The following GRM8 variants were observed in gnomAD, a reference collection of about 807,000 sequenced individuals.
GRM8 encodes metabotropic glutamate receptor 8.
In GRM8, 47 loss-of-function variants were observed where a neutral mutation model predicts 87.2. That is an observed-to-expected ratio of 0.54 (90% CI 0.43 to 0.69). GRM8 has a LOEUF of 0.69. Ranked by LOEUF, GRM8 falls within the 30% of genes least tolerant of loss-of-function variation. GRM8 has a pLI of 0.00. For missense variants in GRM8, 1,019 were observed against 1,139.2 expected, an observed-to-expected ratio of 0.89 and a Z score of 1.52; for synonymous variants, 396 against 404.5, an observed-to-expected ratio of 0.98 and a Z score of 0.25.
intron 7 of GRM8, among the ~76,000 whole-genome samples, chr7:126,640,497 A>G (rs1293767026): frequency 6.6e-6 from 1 of 152,208 alleles, no homozygotes; most frequent in Non-Finnish European, 1.5e-5. Context: ...TATGTATAAA[A>G]CTATGCATTT....
chr7:126,664,104 G>A (rs1376210137), intron 7 of GRM8, among the ~76,000 whole-genome samples: 2 of 151,816 alleles, frequency 1.3e-5, no homozygotes, highest in African/African-American at 4.8e-5. Context: ...TATCTCTAAA[G>A]GGACTACAAG....
intron 2 of GRM8, among the ~76,000 whole-genome samples, chr7:127,130,385 C>A (rs555140333): frequency 1.9e-4 from 29 of 152,216 alleles, no homozygotes; most frequent in Non-Finnish European, 2.8e-4. Flanking sequence ...ATGTTTAGAA[C>A]TTCCTATAGA....
chr7:127,099,751 C>A (rs924832167), intron 3 of GRM8, among the ~76,000 whole-genome samples: 8 of 152,158 alleles, frequency 5.3e-5, no homozygotes, highest in Non-Finnish European at 8.8e-5. Flanking sequence ...TGGAAGCTAA[C>A]CTTCTGAGTA....
intron 8 of GRM8, among the ~76,000 whole-genome samples, chr7:126,554,431 A>G (rs1792916722): frequency 6.6e-6 from 1 of 151,364 alleles, no homozygotes; most frequent in South Asian, 2.1e-4. Context: ...AATAATAATA[A>G]TAATAATAAT....
chr7:127,068,358 T>A (rs1413266216), intron 3 of GRM8, among the ~76,000 whole-genome samples: 1 of 152,164 alleles, frequency 6.6e-6, no homozygotes, highest in Non-Finnish European at 1.5e-5. Context: ...AAGAATGCCG[T>A]GCCTAGTGCT....
intron 3 of GRM8, among the ~76,000 whole-genome samples, chr7:127,037,853 G>A (rs561041669): frequency 6.6e-6 from 1 of 151,450 alleles, no homozygotes; most frequent in South Asian, 2.1e-4. Flanking sequence ...GTGTGTGTGT[G>A]TGTGTGTGTG....
chr7:126,602,488 A>T (rs1319788726), intron 8 of GRM8, among the ~76,000 whole-genome samples: 2 of 137,076 alleles, frequency 1.5e-5, no homozygotes, highest in Admixed American at 1.5e-4. Context: ...TGGTAGCTTG[A>T]TGGGGATGGC....
chr7:126,794,388 C>T (rs1017323703), intron 6 of GRM8, among the ~76,000 whole-genome samples: 8 of 152,058 alleles, frequency 5.3e-5, no homozygotes, highest in African/African-American at 1.9e-4. Context: ...TTAGAGTCCT[C>T]AGAAAAATGG....
At chr7:126,982,072 C>A (rs1422902937) in intron 3 of GRM8, among the ~76,000 whole-genome samples, 1 of 152,104 alleles carries the variant, frequency 6.6e-6, no homozygotes, top group Non-Finnish European at 1.5e-5. Flanking sequence ...AGGCTGTCTG[C>A]AAGCTGAGGA....
chr7:126,639,501 T>G (rs1487979282), intron 7 of GRM8, among the ~76,000 whole-genome samples: 1 of 152,146 alleles, frequency 6.6e-6, no homozygotes. Context: ...ATAGTTTTCT[T>G]AATTTTCAGT....
intron 3 of GRM8, among the ~76,000 whole-genome samples, chr7:127,054,605 G>A (rs1205310110): frequency 5.9e-5 from 9 of 152,144 alleles, no homozygotes; most frequent in African/African-American, 1.2e-4. Flanking sequence ...CTAGTAACTC[G>A]TTGAACATTT....
intron 9 of GRM8, among the ~76,000 whole-genome samples, chr7:126,473,035 G>A (rs1391937588): frequency 6.6e-6 from 1 of 152,178 alleles, no homozygotes; most frequent in East Asian, 1.9e-4. Context: ...CAGGGATGGA[G>A]CCCTCCTAGA....
At chr7:126,441,210 T>C (rs1801433921) in intron 10 of GRM8, among the ~76,000 whole-genome samples, 2 of 152,036 alleles carry the variant, frequency 1.3e-5, no homozygotes, top group African/African-American at 2.4e-5. Flanking sequence ...ATCAAATATA[T>C]AGAAAACATG....
At chr7:127,119,550 AAAAAG>A (rs1328889417) in intron 2 of GRM8, among the ~76,000 whole-genome samples, 7 of 152,082 alleles carry the variant, frequency 4.6e-5, no homozygotes, top group East Asian at 1.9e-4. Context: ...GAAAGAAAGA[AAAAAG>A]AAAAGAAAAG....
chr7:126,692,136 T>C (rs962242935), intron 7 of GRM8, among the ~76,000 whole-genome samples: 3 of 152,182 alleles, frequency 2.0e-5, no homozygotes, highest in African/African-American at 7.2e-5. Context: ...CCATTCACAA[T>C]GGGAATTAAG....
At chr7:126,495,324 C>T (rs1455117988) in intron 9 of GRM8, among the ~76,000 whole-genome samples, 3 of 151,910 alleles carry the variant, frequency 2.0e-5, no homozygotes. Context: ...ACCAGAAATA[C>T]AAGCAAGAAT....
rs151103489 is a variant in GRM8 at position 127,101,759 on chromosome 7, G to C, written c.727+4737C>G. Among the ~76,000 whole-genome samples the C allele has an allele frequency of 4.4e-3, 665 of 152,238 alleles. 21 individuals are homozygous for C. The highest frequency in any genetic ancestry group is 7.8e-4 in the Non-Finnish European group (53 of 68,024). On this transcript the variant is annotated intron_variant, in intron 3 of 10. Transcript: ENST00000339582. ...AAGAACAGCCTAACACAGAAGATTG[G>C]TGCTGAGGGGTGGGGCATTGCTATA...
At chr7:127,124,825 A>AC (rs1194148010) in intron 2 of GRM8, among the ~76,000 whole-genome samples, 1 of 152,164 alleles carries the variant, frequency 6.6e-6, no homozygotes, top group Non-Finnish European at 1.5e-5. Flanking sequence ...TTAGGAGTAT[A>AC]TAAAAAATTA....
At chr7:126,880,049 A>T (rs1216345556) in intron 6 of GRM8, among the ~76,000 whole-genome samples, 1 of 152,228 alleles carries the variant, frequency 6.6e-6, no homozygotes, top group Non-Finnish European at 1.5e-5. Context: ...GGCCTGCCTC[A>T]TGCCAAAGCC....
Sources: gnomAD v4.1 joint callset for allele counts (sites outside exome capture counted in the v4.1 genomes callset) on GRCh38, gnomAD v4.1.1 for gene constraint, MANE v1.5 for transcripts, NCBI Gene and HGNC (gene_info 2026-07-23, HGNC 2026-07-21) for gene names.